Variants in STK39 observed in about 807,000 individuals in gnomAD.
STK39 encodes the protein serine/threonine kinase 39, also known as STE20/SPS1-related proline-alanine-rich protein kinase.
STK39 carries 20 observed loss-of-function variants against 77.8 expected under a neutral mutation model. The observed-to-expected ratio is 0.26, with a 90% confidence interval of 0.18 to 0.37. The LOEUF is 0.37. Ranked by LOEUF, STK39 falls within the 10% of genes least tolerant of loss-of-function variation. The pLI is 1.00. For missense variants in STK39, 479 were observed against 656.5 expected, an observed-to-expected ratio of 0.73 and a Z score of 2.95; for synonymous variants, 246 against 234.1, an observed-to-expected ratio of 1.05 and a Z score of -0.47.
chr2:168,052,444 A>C (rs1420739268), intron 14 of STK39, among the ~76,000 whole-genome samples: 1 of 152,228 alleles, frequency 6.6e-6, no homozygotes, highest in Non-Finnish European at 1.5e-5. Context: ...ATAGGAGATT[A>C]TGTCAAAAGG....
At chr2:167,999,965 C>T (rs917894375) in intron 16 of STK39, among the ~76,000 whole-genome samples, 1 of 152,164 alleles carries the variant, frequency 6.6e-6, no homozygotes, top group Non-Finnish European at 1.5e-5. Context: ...GCTGGTGATA[C>T]AGGTGAGGCT....
chr2:168,221,342 G>A (rs965604924), intron 1 of STK39, among the ~76,000 whole-genome samples: 11 of 152,178 alleles, frequency 7.2e-5, no homozygotes, highest in African/African-American at 2.2e-4. Context: ...TAATACATGC[G>A]TGTCAAAAAA....
intron 10 of STK39, among the ~76,000 whole-genome samples, chr2:168,087,185 T>C (rs951013892): frequency 6.6e-6 from 1 of 152,158 alleles, no homozygotes; most frequent in Non-Finnish European, 1.5e-5. Context: ...TTGCTTAGGA[T>C]ACAGCAATAA....
chr2:168,092,925 C>T (rs1030446984), intron 10 of STK39, among the ~76,000 whole-genome samples: 1 of 152,208 alleles, frequency 6.6e-6, no homozygotes, highest in Admixed American at 6.5e-5. Context: ...GGTACGGAAT[C>T]TTTCGCACAC....
intron 15 of STK39, among the ~76,000 whole-genome samples, chr2:168,013,918 T>C (rs1026069707): frequency 2.6e-5 from 4 of 152,010 alleles, no homozygotes; most frequent in Non-Finnish European, 5.9e-5. Context: ...TTTAAAGAGC[T>C]TGCCCAGTGT....
chr2:168,215,858 G>T lies in STK39; in HGVS notation c.208+31370C>A, dbSNP rs192467327. ...GATAAAGGTCATCACCATGGACCAT[G>T]GTACTGGGGTAGAGGACAAAGCCAC... On this transcript the variant is annotated intron_variant, in intron 1 of 17. Transcript: ENST00000355999. Among the ~76,000 whole-genome samples, 78 of 152,226 alleles carry T rather than the reference G, an allele frequency of 5.1e-4. 1 individual carries two copies. The highest frequency in any genetic ancestry group is 5.1e-3 in the Admixed American group (78 of 15,294).
intron 1 of STK39, among the ~76,000 whole-genome samples, chr2:168,196,859 G>A (rs906613333): frequency 6.6e-6 from 1 of 152,132 alleles, no homozygotes; most frequent in Non-Finnish European, 1.5e-5. Context: ...AATGATTTTG[G>A]AGAGCTCAAG....
At chr2:168,174,845 A>AC (rs1688916855) in intron 2 of STK39, among the ~76,000 whole-genome samples, 1 of 151,596 alleles carries the variant, frequency 6.6e-6, no homozygotes, top group Non-Finnish European at 1.5e-5. Flanking sequence ...AAAAAAAAAA[A>AC]AAAAAAACAC....
intron 1 of STK39, among the ~76,000 whole-genome samples, chr2:168,236,813 T>C (rs1251996964): frequency 1.3e-5 from 2 of 152,122 alleles, no homozygotes; most frequent in Non-Finnish European, 2.9e-5. Flanking sequence ...TCTATATCTC[T>C]GTTTTGGTAC....
At chr2:168,051,743 G>A (rs1019628852) in intron 14 of STK39, among the ~76,000 whole-genome samples, 1 of 152,170 alleles carries the variant, frequency 6.6e-6, no homozygotes, top group Non-Finnish European at 1.5e-5. Context: ...ACAAGCCACA[G>A]CGCCCAGCCC....
chr2:168,028,016 T>C (rs969254033), intron 14 of STK39, among the ~76,000 whole-genome samples: 3 of 152,150 alleles, frequency 2.0e-5, no homozygotes, highest in Non-Finnish European at 4.4e-5. Flanking sequence ...TAATCCAAAC[T>C]AAGTTAAGGT....
chr2:168,118,915 A>C (rs991779902), intron 10 of STK39, among the ~76,000 whole-genome samples: 1 of 152,216 alleles, frequency 6.6e-6, no homozygotes, highest in Non-Finnish European at 1.5e-5. Flanking sequence ...AAAGCAAAGA[A>C]TTTAAAATAA....
At chr2:168,143,712 CAAA>C (rs3063798) in intron 5 of STK39, among the ~76,000 whole-genome samples, 15 of 139,568 alleles carry the variant, frequency 1.1e-4, no homozygotes, top group Middle Eastern at 3.7e-3. Context: ...GACTTTGTCT[CAAA>C]AAAAAAAAAA....
chr2:168,068,776 T>A (rs1027394320), intron 12 of STK39, among the ~76,000 whole-genome samples: 1 of 152,144 alleles, frequency 6.6e-6, no homozygotes, highest in African/African-American at 2.4e-5. Context: ...CATGAAAATA[T>A]CAGGTTAAAG....
chr2:168,198,696 C>T (rs903017997), intron 1 of STK39, among the ~76,000 whole-genome samples: 3 of 152,208 alleles, frequency 2.0e-5, no homozygotes, highest in Admixed American at 6.5e-5. Context: ...CTTAGCACAT[C>T]GCACTCACTG....
intron 14 of STK39, among the ~76,000 whole-genome samples, chr2:168,040,401 T>C (rs1239289539): frequency 6.6e-6 from 1 of 152,172 alleles, no homozygotes; most frequent in Non-Finnish European, 1.5e-5. Flanking sequence ...TCACAAAAAT[T>C]AGGTAGCTCT....
chr2:168,127,153 G>T (rs1163350019), intron 10 of STK39, among the ~76,000 whole-genome samples: 3 of 152,034 alleles, frequency 2.0e-5, no homozygotes, highest in Admixed American at 1.3e-4. Flanking sequence ...GTTGTTGTTT[G>T]TTGTTGTTGT....
intron 3 of STK39, among the ~76,000 whole-genome samples, chr2:168,166,185 T>A (rs1688690208): frequency 6.6e-6 from 1 of 152,192 alleles, no homozygotes; most frequent in South Asian, 2.1e-4. Flanking sequence ...TGGTGTAATT[T>A]CTGAAAAACA....
chr2:167,968,280 T>C (rs1229903430), intron 16 of STK39, among the ~76,000 whole-genome samples: 3 of 152,238 alleles, frequency 2.0e-5, no homozygotes, highest in Admixed American at 2.0e-4. Flanking sequence ...GGTAGAGCAA[T>C]TTATTTTCTT....
Sources: allele counts gnomAD v4.1 joint callset (sites outside exome capture counted in the v4.1 genomes callset), GRCh38; gene constraint gnomAD v4.1.1; transcripts MANE v1.5; gene names NCBI Gene and HGNC (gene_info 2026-07-23, HGNC 2026-07-21).